The following MTCH2 variants were observed in gnomAD, a reference collection of about 807,000 sequenced individuals.
MTCH2 encodes the protein mitochondrial carrier homolog 2.
Under a neutral mutation model 50.6 loss-of-function variants are expected in MTCH2, and 25 were observed. The observed-to-expected ratio is 0.49, with a 90% CI of 0.36 to 0.69. The LOEUF (loss-of-function observed/expected upper bound fraction) is 0.69, where lower values mean the gene tolerates loss of function less well. MTCH2 is among the 30% of genes least tolerant of loss of function. MTCH2 has a pLI of 0.00. For missense variants in MTCH2, 273 were observed against 384.4 expected (o/e 0.71, Z 2.42); for synonymous variants, 106 against 132.0 (o/e 0.80, Z 1.35).
intron 6 of MTCH2, 61 bp downstream of exon 6, chr11:47,631,593 T>A: frequency 1.3e-6 from 2 of 1,544,654 alleles, no homozygotes; most frequent in East Asian, 4.5e-5. Context: ...CGTCAACCTA[T>A]CTAAGTGGTC....
chr11:47,628,443 G>A (rs996960019), intron 9 of MTCH2, among the ~76,000 whole-genome samples: 2 of 152,128 alleles, frequency 1.3e-5, no homozygotes, highest in South Asian at 2.1e-4. Flanking sequence ...AACGTGTATC[G>A]TTCTACAGTA....
Position 47,618,914 on chromosome 11 carries a change from A to C in MTCH2, c.831T>G (p.Asn277Lys), listed in dbSNP as rs1565960865. 7.1e-7 allele frequency: 1 copy of C among 1,400,976 alleles called. No individual in the cohort carries two copies. Among genetic ancestry groups the C allele is most frequent in the South Asian group, 1.4e-5 (1 of 69,914 alleles). 86.8% of individuals were successfully genotyped at this position (1,400,976 alleles called of 1,614,324 possible). Residue 277 changes from asparagine (N) to lysine (K), a missense_variant, in exon 13 of 13, where the codon AAT (asparagine) becomes AAG (lysine). Physicochemically the swap from Asn to Lys is moderately conservative, Grantham distance 94. Around this residue, in one of 2 missense-constraint regions of MTCH2, gnomAD observed 70 missense variants for 140.1 expected, o/e 0.50. Transcript: ENST00000302503. Reference sequence around the variant, plus strand: ...AAAATAAGCTATTTCCTCGGCTCATATTCCCCTGGAAAACAAAACAAAACA... The same window carrying C: ...AAAATAAGCTATTTCCTCGGCTCATCTTCCCCTGGAAAACAAAACAAAACA... Reference protein sequence around the residue: ...DCWCMLQKEGNMSRGNSLFFR... With the variant: ...DCWCMLQKEGKMSRGNSLFFR...
downstream of MTCH2, among the ~76,000 whole-genome samples, chr11:47,614,985 T>C (rs1163665722): frequency 6.8e-6 from 1 of 146,652 alleles, no homozygotes; most frequent in African/African-American, 2.5e-5. Context: ...CTGCTGCACT[T>C]AGACCAGCCA....
chr11:47,629,480 T>C (rs1360318521), intron 8 of MTCH2: 1 of 193,288 alleles, frequency 5.2e-6, no homozygotes, highest in Admixed American at 5.4e-5. Flanking sequence ...CAAGTACAGA[T>C]ACAGATGAGA....
At position 47,630,595 on chromosome 11, in the gene MTCH2, T is replaced by C. The variant is rs776122351; in HGVS notation, c.499A>G (p.Ile167Val). ...SKYCGLCDSI[I>V]TIYREEGILG... ...ATGCCCTCTTCCCGATAGATGGTTA[T>C]TATGGAATCACAAAGTCCACTACGT... Residue 167 changes from isoleucine to valine, a missense_variant, in exon 8 of 13, where the codon ATA becomes GTA. Transcript: ENST00000302503. 3 of 1,612,716 alleles carry C rather than the reference T, an allele frequency of 1.9e-6. No homozygotes were observed. In the Admixed American group the frequency reaches 5.0e-5, roughly 27 times the overall value.
chr11:47,618,991 G>C, intron 12 of MTCH2, 72 bp from the exon 13 acceptor site: 1 of 1,372,034 alleles, frequency 7.3e-7, no homozygotes, highest in African/African-American at 1.4e-5. Flanking sequence ...AATCAGCAGA[G>C]AGGTCCAATT....
intron 3 of MTCH2, among the ~76,000 whole-genome samples, chr11:47,637,163 T>G (rs1367969059): frequency 1.3e-5 from 2 of 152,110 alleles, no homozygotes; most frequent in Admixed American, 1.3e-4. Flanking sequence ...CTAACATCTG[T>G]ATTTTTAGTA....
chr11:47,619,662 CG>C (rs984027685), intron 12 of MTCH2, among the ~76,000 whole-genome samples: 34 of 152,136 alleles, frequency 2.2e-4, no homozygotes, highest in African/African-American at 8.2e-4. Context: ...AATTAAAGGC[CG>C]GGTGTGATGG....
chr11:47,624,334 C>T (rs2097296093), intron 11 of MTCH2, among the ~76,000 whole-genome samples: 1 of 152,034 alleles, frequency 6.6e-6, no homozygotes, highest in Non-Finnish European at 1.5e-5. Flanking sequence ...AAAACCTGCC[C>T]TTCTAACCAA....
At chr11:47,609,947 G>A in the MTCH2 span, among the ~76,000 whole-genome samples, 2 of 152,340 alleles carry the variant, frequency 1.3e-5, no homozygotes, top group South Asian at 4.1e-4. Flanking sequence ...GAAGCAGAGG[G>A]AGGGGTAGGG....
At chr11:47,609,159 A>C in the MTCH2 span, among the ~76,000 whole-genome samples, 1 of 149,650 alleles carries the variant, frequency 6.7e-6, no homozygotes, top group African/African-American at 2.4e-5. Context: ...AAAAAGAAAA[A>C]AAAATCTCAA....
chr11:47,632,430 T>G (rs901640637), intron 5 of MTCH2, among the ~76,000 whole-genome samples: 9 of 151,736 alleles, frequency 5.9e-5, no homozygotes, highest in African/African-American at 2.2e-4. Flanking sequence ...CTCGGTTCAC[T>G]GCAAGCTCCG....
At position 47,618,402 on chromosome 11, in the gene MTCH2, T is replaced by C. The variant is rs935997300; in HGVS notation, c.*431A>G. On this transcript the variant is annotated 3_prime_UTR_variant, in exon 13 of 13. Transcript: ENST00000302503. ...TGCATGCTACTGACATTTTAGGGTC[T>C]ACCCAAGAAAAAGTAATTCATAACC... 2 of 227,162 alleles carry C rather than the reference T, an allele frequency of 8.8e-6. No individual in the cohort carries two copies. Among genetic ancestry groups the C allele is most frequent in the South Asian group, 5.8e-5 (1 of 17,140 alleles). 14.1% of individuals were successfully genotyped at this position (227,162 alleles called of 1,614,324 possible). A position where few individuals can be genotyped will look rare whatever the true frequency, so the allele number is the denominator to read the frequency against.
At position 47,618,258 on chromosome 11, in the gene MTCH2, G is replaced by C. The variant is rs1307714573; in HGVS notation, c.*575C>G. On this transcript the variant is annotated 3_prime_UTR_variant, in exon 13 of 13. Coordinates refer to ENST00000302503, the MANE Select transcript of MTCH2 (RefSeq NM_014342.4). ...TATTACTTTGCAATAACAGACTGAA[G>C]GGGCAGATCCTCACACAGACTTTCT... 1 of 153,478 alleles carries C rather than the reference G, an allele frequency of 6.5e-6. No individual in the cohort carries two copies. The highest frequency in any genetic ancestry group is 1.4e-5 in the Non-Finnish European group (1 of 69,152). 9.5% of individuals were successfully genotyped at this position (153,478 alleles called of 1,614,324 possible).
At chr11:47,628,469 C>T (rs2097300062) in intron 9 of MTCH2, among the ~76,000 whole-genome samples, 1 of 152,224 alleles carries the variant, frequency 6.6e-6, no homozygotes, top group African/African-American at 2.4e-5. Context: ...TATCGTTCTA[C>T]AGTGAACAGT....
At chr11:47,605,421 AT>A in the MTCH2 span, among the ~76,000 whole-genome samples, 563 of 146,004 alleles carry the variant, frequency 3.9e-3, 13 homozygotes, top group East Asian at 0.063. Context: ...TATGCAGCTG[AT>A]TTTTTTTTTT....
At chr11:47,624,231 C>CA (rs530030153) in intron 11 of MTCH2, among the ~76,000 whole-genome samples, 4,446 of 61,718 alleles carry the variant, frequency 0.072, 251 homozygotes, top group African/African-American at 0.2. Context: ...GACTCCATCT[C>CA]AAAAAAAAAA....
At chr11:47,604,560 G>T in the MTCH2 span, among the ~76,000 whole-genome samples, 1 of 152,184 alleles carries the variant, frequency 6.6e-6, no homozygotes, top group Non-Finnish European at 1.5e-5. Context: ...AGCATGGCTT[G>T]TAATAGCAAA....
chr11:47,617,861 T>C lies in MTCH2; in HGVS notation c.*972A>G, dbSNP rs907647062. 4.6e-5 allele frequency: 7 copies of C among 152,250 alleles called. No homozygotes were observed. The East Asian group carries it at 1.3e-3, about 29-fold the overall frequency. 9.4% of individuals were successfully genotyped at this position (152,250 alleles called of 1,614,324 possible). A position where few individuals can be genotyped will look rare whatever the true frequency, so the allele number is the denominator to read the frequency against. On this transcript the variant is annotated 3_prime_UTR_variant, in exon 13 of 13. Coordinates refer to ENST00000302503, the MANE Select transcript of MTCH2 (RefSeq NM_014342.4). ...GCATTACCAGACATGGAGTTACAAATATACTTTCCAAGGCTGTCATCAGAA... is the reference window on the plus strand; with the variant it reads ...GCATTACCAGACATGGAGTTACAAACATACTTTCCAAGGCTGTCATCAGAA...
Sources: gnomAD v4.1 joint callset for allele counts (sites outside exome capture counted in the v4.1 genomes callset) on GRCh38, gnomAD v4.1.1 for gene constraint, gnomAD v4.1.1 regional missense constraint, MANE v1.5 for transcripts, NCBI Gene and HGNC (gene_info 2026-07-23, HGNC 2026-07-21) for gene names.